Variants in HSDL2 observed in about 807,000 individuals in gnomAD.
HSDL2 encodes hydroxysteroid dehydrogenase-like protein 2.
A neutral mutation model predicts 46.3 loss-of-function variants in HSDL2; 27 were observed. The observed-to-expected ratio is 0.58, with a 90% CI of 0.43 to 0.80. The LOEUF (loss-of-function observed/expected upper bound fraction) is 0.80, where lower values mean the gene tolerates loss of function less well. HSDL2 is among the 30% of genes least tolerant of loss of function. The probability of loss-of-function intolerance (pLI) is 0.00; values close to 1 mark genes in which losing one functional copy is unlikely to be tolerated. For synonymous variants in HSDL2, 153 were observed against 163.6 expected (o/e 0.94, Z 0.50); for missense variants, 451 against 502.7 (o/e 0.90, Z 0.98).
intron 1 of HSDL2, among the ~76,000 whole-genome samples, chr9:112,391,014 A>G (rs996287851): frequency 2.6e-5 from 4 of 151,906 alleles, no homozygotes; most frequent in African/African-American, 9.7e-5. Flanking sequence ...TGTCTCTACT[A>G]AAAATACAAA....
intron 10 of HSDL2, among the ~76,000 whole-genome samples, chr9:112,463,667 T>C (rs1278686930): frequency 3.1e-5 from 4 of 131,026 alleles, no homozygotes; most frequent in Admixed American, 8.4e-5. Context: ...TTTATTTGTG[T>C]ATTTATTTAT....
At chr9:112,416,466 T>C (rs1470594067) in intron 4 of HSDL2, among the ~76,000 whole-genome samples, 2 of 150,350 alleles carry the variant, frequency 1.3e-5, no homozygotes, top group Non-Finnish European at 3.0e-5. Context: ...AGAAGTTGGC[T>C]GGTCGCAGTG....
chr9:112,400,370 A>G (rs1363072626), intron 1 of HSDL2, among the ~76,000 whole-genome samples: 4 of 152,182 alleles, frequency 2.6e-5, no homozygotes, highest in Non-Finnish European at 5.9e-5. Context: ...ACACTTTGGG[A>G]GGCCGAGGTG....
chr9:112,441,787 AT>A lies in HSDL2; in HGVS notation c.865+21del. 2 of 1,445,734 alleles carry A rather than the reference AT, an allele frequency of 1.4e-6. No homozygotes were observed. Among genetic ancestry groups the A allele is most frequent in the Non-Finnish European group, 1.9e-6 (2 of 1,029,532 alleles). The allele number at this position is 1,445,734 out of a possible 1,614,324, so 89.6% of individuals were successfully genotyped here. A position where few individuals can be genotyped will look rare whatever the true frequency, so the allele number is the denominator to read the frequency against. On this transcript the variant is annotated intron_variant, in intron 8 of 10. Coordinates refer to ENST00000398805, the MANE Select transcript of HSDL2 (RefSeq NM_032303.5). ...AATCAACTGGTAAGATCTAGACTAT[AT>A]TTTATGTTAGAAAATATAAATCCTA...
chr9:112,469,522 T>TGC (rs1388649049), intron 10 of HSDL2, among the ~76,000 whole-genome samples: 4 of 151,630 alleles, frequency 2.6e-5, no homozygotes, highest in African/African-American at 4.8e-5. Context: ...AAATTAGCCC[T>TGC]GCATGGTGTT....
chr9:112,461,325 C>T (rs562763555), intron 10 of HSDL2, among the ~76,000 whole-genome samples: 14 of 152,222 alleles, frequency 9.2e-5, no homozygotes, highest in South Asian at 6.2e-4. Context: ...GTGATCCACC[C>T]GCCTTGGCCT....
chr9:112,418,794 C>A, intron 5 of HSDL2, 66 bp from the exon 6 acceptor site: 2 of 868,090 alleles, frequency 2.3e-6, no homozygotes, highest in South Asian at 1.7e-5. Flanking sequence ...TTGGTTATTT[C>A]TACTCACAAG....
At chr9:112,442,666 T>C (rs1832667302) in intron 8 of HSDL2, among the ~76,000 whole-genome samples, 1 of 152,146 alleles carries the variant, frequency 6.6e-6, no homozygotes, top group South Asian at 2.1e-4. Flanking sequence ...ATTTCTCTCA[T>C]GGTTTACTAA....
chr9:112,421,860 C>G (rs1465177374), intron 6 of HSDL2, among the ~76,000 whole-genome samples: 2 of 152,016 alleles, frequency 1.3e-5, no homozygotes, highest in Non-Finnish European at 2.9e-5. Flanking sequence ...GGCAGGTGAG[C>G]CTATGAAGGA....
intron 9 of HSDL2, among the ~76,000 whole-genome samples, chr9:112,456,609 C>G (rs1833033420): frequency 6.6e-6 from 1 of 152,150 alleles, no homozygotes; most frequent in Non-Finnish European, 1.5e-5. Context: ...GACACTTTCT[C>G]TAGGAAACCC....
intron 4 of HSDL2, among the ~76,000 whole-genome samples, chr9:112,410,949 A>T (rs915584370): frequency 6.6e-6 from 1 of 152,196 alleles, no homozygotes; most frequent in African/African-American, 2.4e-5. Context: ...TTGGTTGCTT[A>T]TGTTGAAAAA....
intron 10 of HSDL2, among the ~76,000 whole-genome samples, chr9:112,466,081 T>C (rs1165773855): frequency 6.6e-6 from 1 of 152,232 alleles, no homozygotes; most frequent in Non-Finnish European, 1.5e-5. Flanking sequence ...TGTTTTTTCA[T>C]TATTGCCACC....
chr9:112,391,549 A>G (rs1050602390), intron 1 of HSDL2, among the ~76,000 whole-genome samples: 96 of 152,292 alleles, frequency 6.3e-4, no homozygotes, highest in Admixed American at 4.2e-3. Context: ...AGATACTGAA[A>G]TGTATGTAAT....
chr9:112,432,011 C>G lies in HSDL2; in HGVS notation c.599-6420C>G, dbSNP rs1443281617. Among the ~76,000 whole-genome samples the G allele has an allele frequency of 2.0e-5, 3 of 151,866 alleles. No individual in the cohort carries two copies. In the East Asian group the frequency reaches 5.8e-4, roughly 29 times the overall value. On this transcript the variant is annotated intron_variant, in intron 6 of 10. Transcript: ENST00000398805. ...TCTCCTGCCTCAGCCTCTTGAGTAG[C>G]TGGGATTACAGGCGTGCGCCACCAC...
At chr9:112,414,491 T>C (rs1041110848) in intron 4 of HSDL2, among the ~76,000 whole-genome samples, 2 of 152,166 alleles carry the variant, frequency 1.3e-5, no homozygotes, top group African/African-American at 4.8e-5. Context: ...CAATATAATA[T>C]ATAAGAGGGC....
At chr9:112,456,359 C>G (rs1833022902) in intron 9 of HSDL2, among the ~76,000 whole-genome samples, 1 of 152,224 alleles carries the variant, frequency 6.6e-6, no homozygotes, top group South Asian at 2.1e-4. Context: ...GATGACTTCC[C>G]TGTCACCAGT....
intron 9 of HSDL2, among the ~76,000 whole-genome samples, chr9:112,454,703 A>G (rs764990964): frequency 7.0e-4 from 106 of 151,838 alleles, no homozygotes; most frequent in Admixed American, 3.9e-4. Flanking sequence ...TTTATTTTTA[A>G]AAATTTATAA....
chr9:112,416,614 T>G (rs1832001398), intron 4 of HSDL2, among the ~76,000 whole-genome samples: 1 of 112,640 alleles, frequency 8.9e-6, no homozygotes, highest in African/African-American at 3.5e-5. Context: ...AGTACAGAAA[T>G]TAGCTGGGCA....
chr9:112,388,007 A>T (rs917833395), intron 1 of HSDL2, among the ~76,000 whole-genome samples: 13 of 152,032 alleles, frequency 8.6e-5, no homozygotes, highest in Non-Finnish European at 7.4e-5. Context: ...AAAAATAAAA[A>T]AATTAGCTGG....
Sources: allele counts gnomAD v4.1 joint callset (sites outside exome capture counted in the v4.1 genomes callset), GRCh38; gene constraint gnomAD v4.1.1; transcripts MANE v1.5; gene names NCBI Gene and HGNC (gene_info 2026-07-23, HGNC 2026-07-21).